Variants in ADAMTSL3 observed in about 807,000 individuals in gnomAD.
The protein encoded by ADAMTSL3 is ADAMTS-like protein 3.
ADAMTSL3 carries 128 observed loss-of-function variants against 201.7 expected under a neutral mutation model. That is an observed-to-expected ratio of 0.63 (90% CI 0.55 to 0.73). The LOEUF (loss-of-function observed/expected upper bound fraction) is 0.73, where lower values mean the gene tolerates loss of function less well. ADAMTSL3 is among the 30% of genes least tolerant of loss of function. ADAMTSL3 has a pLI of 0.00. For synonymous variants in ADAMTSL3, 738 were observed against 748.4 expected (o/e 0.99, Z 0.23); for missense variants, 1,990 against 2,119.6 (o/e 0.94, Z 1.20).
intron 4 of ADAMTSL3, among the ~76,000 whole-genome samples, chr15:83,781,588 C>G (rs777483872): frequency 6.6e-6 from 1 of 151,892 alleles, no homozygotes; most frequent in Non-Finnish European, 1.5e-5. Flanking sequence ...GCAATAAAAG[C>G]AAAAATTGAA....
chr15:83,834,112 A>G (rs762429587), intron 6 of ADAMTSL3, among the ~76,000 whole-genome samples: 3 of 152,184 alleles, frequency 2.0e-5, no homozygotes, highest in Non-Finnish European at 4.4e-5. Context: ...CACTTGCCCA[A>G]CAGTGGTTGA....
intron 4 of ADAMTSL3, among the ~76,000 whole-genome samples, chr15:83,794,636 C>T (rs2063394744): frequency 1.3e-5 from 2 of 150,452 alleles, no homozygotes; most frequent in African/African-American, 2.5e-5. Flanking sequence ...ACAGTAGTTG[C>T]TAGGTGTTAA....
intron 28 of ADAMTSL3, among the ~76,000 whole-genome samples, chr15:84,032,755 T>A (rs1331264468): frequency 6.6e-6 from 1 of 152,228 alleles, no homozygotes; most frequent in Non-Finnish European, 1.5e-5. Flanking sequence ...CTAATGGACA[T>A]TGGATAGTTT....
intron 6 of ADAMTSL3, among the ~76,000 whole-genome samples, chr15:83,824,041 TC>T (rs1289972414): frequency 6.6e-6 from 1 of 151,178 alleles, no homozygotes; most frequent in Non-Finnish European, 1.5e-5. Context: ...TTTCTTTTTT[TC>T]TTTTTCTTTT....
intron 21 of ADAMTSL3, among the ~76,000 whole-genome samples, chr15:83,984,151 A>G (rs2067435471): frequency 1.3e-5 from 2 of 152,188 alleles, no homozygotes; most frequent in African/African-American, 4.8e-5. Flanking sequence ...TGCTGTTTGT[A>G]TACAAAGTAC....
intron 6 of ADAMTSL3, among the ~76,000 whole-genome samples, chr15:83,829,475 C>T (rs1251418237): frequency 6.6e-6 from 1 of 152,082 alleles, no homozygotes; most frequent in Non-Finnish European, 1.5e-5. Context: ...TTCAAAAAAC[C>T]AGCTCCTGGA....
intron 20 of ADAMTSL3, among the ~76,000 whole-genome samples, chr15:83,980,910 G>C (rs1408417163): frequency 2.0e-5 from 3 of 152,134 alleles, no homozygotes; most frequent in African/African-American, 4.8e-5. Flanking sequence ...CAGCGCCAAG[G>C]GCCTGAGAAG....
intron 17 of ADAMTSL3, among the ~76,000 whole-genome samples, chr15:83,940,233 CT>C (rs1443237158): frequency 1.4e-4 from 21 of 152,186 alleles, no homozygotes; most frequent in Non-Finnish European, 2.6e-4. Context: ...TTACAGCGTA[CT>C]TTCTAAGTAT....
At chr15:83,662,965 A>AC (rs1337900748) in intron 2 of ADAMTSL3, among the ~76,000 whole-genome samples, 4 of 152,068 alleles carry the variant, frequency 2.6e-5, no homozygotes, top group Non-Finnish European at 4.4e-5. Context: ...GCTCCACAGG[A>AC]CACTTCCTGC....
At chr15:83,841,936 A>G (rs2064386006) in intron 7 of ADAMTSL3, among the ~76,000 whole-genome samples, 2 of 151,778 alleles carry the variant, frequency 1.3e-5, no homozygotes, top group Admixed American at 1.3e-4. Flanking sequence ...TGACAGTGGA[A>G]CGACAGAGAC....
At chr15:84,020,272 C>T (rs1460574775) in intron 25 of ADAMTSL3, among the ~76,000 whole-genome samples, 1 of 151,582 alleles carries the variant, frequency 6.6e-6, no homozygotes, top group African/African-American at 2.4e-5. Context: ...GGATCCAGTC[C>T]GGCTAACAGG....
chr15:83,837,920 A>G (rs1272586279), intron 6 of ADAMTSL3, among the ~76,000 whole-genome samples, 169 bp from the exon 7 acceptor site: 1 of 152,164 alleles, frequency 6.6e-6, no homozygotes, highest in Non-Finnish European at 1.5e-5. Context: ...CATATAAATG[A>G]TACTATCCTG....
chr15:83,884,872 C>T (rs2065355811), intron 9 of ADAMTSL3, among the ~76,000 whole-genome samples: 1 of 152,162 alleles, frequency 6.6e-6, no homozygotes, highest in African/African-American at 2.4e-5. Context: ...ATGGAATTAT[C>T]TGGAAAAATG....
intron 9 of ADAMTSL3, among the ~76,000 whole-genome samples, chr15:83,881,861 A>C (rs896461957): frequency 6.6e-6 from 1 of 151,562 alleles, no homozygotes; most frequent in Non-Finnish European, 1.5e-5. Context: ...TCTCAAAAAA[A>C]GAAAAAAAAA....
chr15:83,871,088 T>A (rs1023437762), intron 9 of ADAMTSL3, 129 bp downstream of exon 9: 2 of 1,069,488 alleles, frequency 1.9e-6, no homozygotes, highest in Middle Eastern at 2.4e-4. Flanking sequence ...TCATCAATAT[T>A]TCCATCTTGG....
At chr15:83,899,858 G>GACT in intron 15 of ADAMTSL3, 127 bp downstream of exon 15, 1 of 1,276,348 alleles carries the variant, frequency 7.8e-7, no homozygotes, top group South Asian at 1.7e-5. Context: ...ACAGACTCTA[G>GACT]AGAGCTTGAG....
chr15:83,704,596 T>C, intron 3 of ADAMTSL3, 88 bp downstream of exon 3: 1 of 1,536,200 alleles, frequency 6.5e-7, no homozygotes, highest in Non-Finnish European at 8.8e-7. Context: ...AAAGTAATTA[T>C]ATTTTCCTCT....
intron 24 of ADAMTSL3, 104 bp from the exon 25 acceptor site, chr15:84,016,279 T>A (rs1269779835): frequency 4.9e-6 from 4 of 814,314 alleles, no homozygotes; most frequent in Non-Finnish European, 8.0e-6. Flanking sequence ...ACAGTATTAT[T>A]ATAGAGGACT....
At chr15:84,031,565 T>C (rs1335850300) in intron 28 of ADAMTSL3, 133 bp downstream of exon 28, 2 of 736,040 alleles carry the variant, frequency 2.7e-6, no homozygotes, top group African/African-American at 1.7e-5. Flanking sequence ...TTATGATTTA[T>C]TTAGTGTCAT....
Sources: gnomAD v4.1 joint callset for allele counts (sites outside exome capture counted in the v4.1 genomes callset) on GRCh38, gnomAD v4.1.1 for gene constraint, MANE v1.5 for transcripts, NCBI Gene and HGNC (gene_info 2026-07-23, HGNC 2026-07-21) for gene names.